The following UAP1 variants were observed in gnomAD, a reference collection of about 807,000 sequenced individuals.
UAP1 encodes the protein UDP-N-acetylhexosamine pyrophosphorylase.
Under a neutral mutation model 58.5 loss-of-function variants are expected in UAP1, and 25 were observed. The observed-to-expected ratio is 0.43, with a 90% confidence interval of 0.31 to 0.60. The LOEUF is 0.60. Ranked by LOEUF, UAP1 falls within the 20% of genes least tolerant of loss-of-function variation. UAP1 has a pLI of 0.11. For synonymous variants in UAP1, 208 were observed against 213.0 expected, an observed-to-expected ratio of 0.98 and a Z score of 0.21; for missense variants, 575 against 630.0, an observed-to-expected ratio of 0.91 and a Z score of 0.93.
chr1:162,589,036 T>G (rs1464455398), intron 7 of UAP1, among the ~76,000 whole-genome samples: 1 of 131,570 alleles, frequency 7.6e-6, no homozygotes, highest in Non-Finnish European at 1.6e-5. Flanking sequence ...TGAGTACAAC[T>G]TTTTTTTTTT....
At chr1:162,589,195 T>A (rs1487448622) in intron 7 of UAP1, among the ~76,000 whole-genome samples, 38 of 66,900 alleles carry the variant, frequency 5.7e-4, no homozygotes, top group South Asian at 1.3e-3. Context: ...ATATATATTA[T>A]ATATTATATT....
chr1:162,577,648 T>C (rs1022564344), intron 3 of UAP1, among the ~76,000 whole-genome samples: 21 of 151,010 alleles, frequency 1.4e-4, no homozygotes, highest in African/African-American at 4.9e-4. Context: ...AGTCTTACTT[T>C]GTCCCCAGGC....
At chr1:162,580,264 TAAATTATAGTTTA>T (rs1399758215) in intron 4 of UAP1, among the ~76,000 whole-genome samples, 2 of 152,258 alleles carry the variant, frequency 1.3e-5, no homozygotes, top group Non-Finnish European at 2.9e-5. Context: ...AATGAGAGGC[TAAATTATAGTTTA>T]AAAATAGCAT....
At chr1:162,600,689 A>G (rs1172433174), downstream of UAP1, among the ~76,000 whole-genome samples, 3 of 151,952 alleles carry the variant, frequency 2.0e-5, no homozygotes, top group South Asian at 2.1e-4. Flanking sequence ...ATATCCATCA[A>G]TCTTACCTAT....
intron 1 of UAP1, among the ~76,000 whole-genome samples, chr1:162,563,475 C>T (rs1004413183): frequency 6.6e-6 from 1 of 152,128 alleles, no homozygotes; most frequent in African/African-American, 2.4e-5. Flanking sequence ...GGCGATTCTC[C>T]TGCCTCAGCC....
At chr1:162,586,912 T>C (rs1654933121) in intron 5 of UAP1, among the ~76,000 whole-genome samples, 1 of 152,072 alleles carries the variant, frequency 6.6e-6, no homozygotes, top group Non-Finnish European at 1.5e-5. Flanking sequence ...AAAGTTGGAG[T>C]GGGAGGCTAG....
chr1:162,576,787 G>C, exon 3 of UAP1: 1 of 1,613,596 alleles, frequency 6.2e-7, no homozygotes, highest in Non-Finnish European at 8.5e-7. Flanking sequence ...GACTTTTCCA[G>C]ATTTCTCAGA....
intron 9 of UAP1, chr1:162,597,457 A>G: frequency 4.0e-6 from 1 of 249,228 alleles, no homozygotes; most frequent in Non-Finnish European, 7.8e-6. Context: ...TATAGTATAT[A>G]CCTAGTAAGT....
At chr1:162,563,006 T>C (rs527381015) in intron 1 of UAP1, among the ~76,000 whole-genome samples, 1 of 152,330 alleles carries the variant, frequency 6.6e-6, no homozygotes, top group Non-Finnish European at 1.5e-5. Context: ...TCATATATTT[T>C]GATGCAGATG....
chr1:162,591,635 GC>G (rs1272205698), intron 8 of UAP1, among the ~76,000 whole-genome samples: 1 of 152,016 alleles, frequency 6.6e-6, no homozygotes, highest in Admixed American at 6.6e-5. Flanking sequence ...ACACTCGCCT[GC>G]CATAAAGCCC....
intron 7 of UAP1, among the ~76,000 whole-genome samples, chr1:162,589,627 T>C (rs1655178490): frequency 6.6e-6 from 1 of 152,116 alleles, no homozygotes. Flanking sequence ...CATTTGATGT[T>C]GAGATGCTTG....
At chr1:162,589,181 T>G (rs1266532951) in intron 7 of UAP1, among the ~76,000 whole-genome samples, 1 of 91,884 alleles carries the variant, frequency 1.1e-5, no homozygotes, top group Non-Finnish European at 2.1e-5. Context: ...AAATATTATA[T>G]ATAATATATA....
At chr1:162,599,224 A>G (rs1435321266) in intron 10 of UAP1, 47 bp from the exon 11 acceptor site, 1 of 1,359,804 alleles carries the variant, frequency 7.4e-7, no homozygotes, top group Admixed American at 1.7e-5. Flanking sequence ...GCACTGCATG[A>G]CAAGTGCAAA....
At chr1:162,590,106 G>C (rs1418107775) in intron 7 of UAP1, among the ~76,000 whole-genome samples, 1 of 149,046 alleles carries the variant, frequency 6.7e-6, no homozygotes, top group Non-Finnish European at 1.5e-5. Flanking sequence ...GACTTAAGAT[G>C]AACTGTTCTA....
At chr1:162,590,889 TTTG>T (rs1655264113) in intron 8 of UAP1, among the ~76,000 whole-genome samples, 1 of 151,976 alleles carries the variant, frequency 6.6e-6, no homozygotes, top group African/African-American at 2.4e-5. Context: ...CAGAGGATTG[TTTG>T]TTGTTGCCCA....
At chr1:162,582,894 C>T (rs867989066) in intron 5 of UAP1, among the ~76,000 whole-genome samples, 1 of 152,082 alleles carries the variant, frequency 6.6e-6, no homozygotes, top group Non-Finnish European at 1.5e-5. Context: ...CCTAATAAGC[C>T]TCCTCTGGAC....
intron 2 of UAP1, among the ~76,000 whole-genome samples, chr1:162,570,786 ACCAGTTGAGTAG>A (rs1193629486): frequency 5.3e-5 from 8 of 152,170 alleles, no homozygotes; most frequent in Admixed American, 5.2e-4. Context: ...CTTTATTCCT[ACCAGTTGAGTAG>A]CCTGTTTACC....
chr1:162,583,071 G>A lies in UAP1; in HGVS notation c.834+1612G>A, dbSNP rs75740063. The stretch of plus-strand genomic sequence containing the variant: ...CGGCTCACTGCAACCTTTGCCTCCT[G>A]GGTTCAGTGATTCTCCTGCCTCACC... On this transcript the variant is annotated intron_variant, in intron 5 of 10. Transcript: ENST00000271469. Among the ~76,000 whole-genome samples the A allele has an allele frequency of 2.0e-3, 300 of 151,208 alleles. 5 individuals carry two copies. In the East Asian group the frequency reaches 0.049, roughly 25 times the overall value.
intron 2 of UAP1, among the ~76,000 whole-genome samples, chr1:162,574,137 A>G (rs569577362): frequency 8.4e-4 from 125 of 148,532 alleles, no homozygotes; most frequent in African/African-American, 2.9e-3. Flanking sequence ...TTGTTGCCCA[A>G]GCTGGAATGC....
Sources: allele counts gnomAD v4.1 joint callset (sites outside exome capture counted in the v4.1 genomes callset), GRCh38; gene constraint gnomAD v4.1.1; transcripts MANE v1.5; gene names NCBI Gene and HGNC (gene_info 2026-07-23, HGNC 2026-07-21).